Variants in NOS1 observed in about 807,000 individuals in gnomAD.
NOS1 encodes the protein NOS type I.
Under a neutral mutation model 164.5 loss-of-function variants are expected in NOS1, and 51 were observed. The ratio of observed to expected loss-of-function variants is 0.31; its 90% CI spans 0.25 to 0.39. The LOEUF is 0.39. Ranked by LOEUF, NOS1 falls within the 10% of genes least tolerant of loss-of-function variation. The pLI is 1.00. For missense variants in NOS1, 1,362 were observed against 1,885.6 expected (o/e 0.72, Z 5.14); for synonymous variants, 719 against 745.8 (o/e 0.96, Z 0.59).
Position 117,212,296 on chromosome 12 carries a change from T to G in NOS1, c.*3013A>C, listed in dbSNP as rs1177028358. On this transcript the variant is annotated 3_prime_UTR_variant, in exon 29 of 29. Transcript: ENST00000317775. ...GGTATGCAGACTCTAAAAGGTCAAG[T>G]GAGCCGCCCACAGCCATCTGCACCA... The G allele has an allele frequency of 1.0e-6, 1 of 985,310 alleles. No individual in the cohort carries two copies. Among genetic ancestry groups the G allele is most frequent in the Non-Finnish European group, 1.2e-6 (1 of 829,940 alleles). 61.0% of individuals were successfully genotyped at this position (985,310 alleles called of 1,614,324 possible).
intron 20 of NOS1, among the ~76,000 whole-genome samples, chr12:117,240,664 C>T (rs759777598): frequency 6.6e-6 from 1 of 152,138 alleles, no homozygotes; most frequent in African/African-American, 2.4e-5. Flanking sequence ...TATAAAAGAT[C>T]CTGGACAGAG....
chr12:117,229,916 T>C (rs1315679377), intron 22 of NOS1, among the ~76,000 whole-genome samples: 1 of 151,030 alleles, frequency 6.6e-6, no homozygotes, highest in East Asian at 2.0e-4. Context: ...GGGGTCTTGC[T>C]TTATTTATTT....
intron 19 of NOS1, 52 bp from the exon 20 acceptor site, chr12:117,242,757 A>G: frequency 6.5e-7 from 1 of 1,548,350 alleles, no homozygotes; most frequent in Non-Finnish European, 8.9e-7. Context: ...ATGTTCCATT[A>G]AAAACTCCCC....
intron 3 of NOS1, among the ~76,000 whole-genome samples, chr12:117,294,531 G>A (rs1028805388): frequency 6.6e-6 from 1 of 152,126 alleles, no homozygotes; most frequent in Non-Finnish European, 1.5e-5. Flanking sequence ...TGTTGTACTT[G>A]GCACTTTGAT....
chr12:117,236,417 G>A (rs146380708), intron 20 of NOS1, among the ~76,000 whole-genome samples: 6 of 152,252 alleles, frequency 3.9e-5, no homozygotes, highest in African/African-American at 1.4e-4. Context: ...AGGAAAGGGT[G>A]TCAAGTATTT....
intron 6 of NOS1, 102 bp downstream of exon 6, chr12:117,286,002 G>C: frequency 1.5e-6 from 2 of 1,323,258 alleles, no homozygotes; most frequent in South Asian, 1.4e-5. Flanking sequence ...ATGGCTACCA[G>C]GTACCCTTGG....
chr12:117,230,877 C>T (rs950201079), intron 22 of NOS1, among the ~76,000 whole-genome samples: 6 of 152,042 alleles, frequency 3.9e-5, no homozygotes, highest in Admixed American at 6.6e-5. Flanking sequence ...AAATTTTGCA[C>T]GTTCTCATTC....
intron 2 of NOS1, among the ~76,000 whole-genome samples, chr12:117,328,753 C>A (rs1875383267): frequency 6.6e-6 from 1 of 152,190 alleles, no homozygotes; most frequent in South Asian, 2.1e-4. Flanking sequence ...CTTTCTTTAT[C>A]TCCTTTACAT....
At chr12:117,299,620 C>G (rs1406031768) in intron 3 of NOS1, among the ~76,000 whole-genome samples, 16 of 135,296 alleles carry the variant, frequency 1.2e-4, no homozygotes, top group African/African-American at 4.3e-4. Flanking sequence ...GCCTGGGCGA[C>G]TGAGACTTTG....
chr12:117,253,866 T>C (rs897146343), intron 16 of NOS1, 112 bp from the exon 17 acceptor site: 2 of 721,890 alleles, frequency 2.8e-6, no homozygotes, highest in Non-Finnish European at 4.9e-6. Context: ...TTCTCTTGTA[T>C]GTTGAGTCAA....
chr12:117,341,123 G>A (rs538666450), intron 1 of NOS1, among the ~76,000 whole-genome samples: 2 of 152,194 alleles, frequency 1.3e-5, no homozygotes, highest in South Asian at 2.1e-4. Flanking sequence ...TTATCATCAC[G>A]TAAGCAGTCA....
At chr12:117,332,029 T>A (rs1484612148) in intron 1 of NOS1, among the ~76,000 whole-genome samples, 1 of 152,186 alleles carries the variant, frequency 6.6e-6, no homozygotes, top group Non-Finnish European at 1.5e-5. Context: ...TTTGTAATTA[T>A]TAGCTTGTTC....
intron 17 of NOS1, among the ~76,000 whole-genome samples, chr12:117,248,242 A>T (rs2135961636): frequency 6.6e-6 from 1 of 151,600 alleles, no homozygotes; most frequent in South Asian, 2.1e-4. Context: ...CATGTGCACC[A>T]TGTGTAGGTT....
intron 24 of NOS1, among the ~76,000 whole-genome samples, chr12:117,226,050 G>C (rs1331205104): frequency 1.3e-5 from 2 of 152,168 alleles, no homozygotes; most frequent in Non-Finnish European, 2.9e-5. Flanking sequence ...GTACATCTGG[G>C]CTCAGGACTC....
rs1464350937 is a variant in NOS1 at position 117,331,375 on chromosome 12, G to C, written c.-306C>G. The C allele has an allele frequency of 2.5e-6, 1 of 393,906 alleles. No homozygotes were observed. Among genetic ancestry groups the C allele is most frequent in the African/African-American group, 2.0e-5 (1 of 50,202 alleles). The allele number at this position is 393,906 out of a possible 1,614,324, so 24.4% of individuals were successfully genotyped here. ...TGTCCCTAAGGTCAGGCAGAAAGGG[G>C]AGGAGATGCGTCTGATGGCTGTGTC... On this transcript the variant is annotated 5_prime_UTR_variant, in exon 2 of 29. Coordinates refer to ENST00000317775, the MANE Select transcript of NOS1 (RefSeq NM_000620.5).
intron 13 of NOS1, among the ~76,000 whole-genome samples, chr12:117,262,372 CTT>C (rs1027298429): frequency 1.5e-4 from 20 of 135,804 alleles, no homozygotes; most frequent in African/African-American, 5.4e-4. Flanking sequence ...CTGATGTGTT[CTT>C]GCTTGGCTGG....
In NOS1 at chr12:117,265,425, C is replaced by G; in HGVS notation, c.2027G>C (p.Gly676Ala). 6.3e-7 allele frequency: 1 copy of G among 1,584,474 alleles called. No homozygotes were observed. Among genetic ancestry groups the G allele is most frequent in the Non-Finnish European group, 8.6e-7 (1 of 1,165,178 alleles). Residue 676 changes from glycine (G) to alanine (A), a missense_variant, in exon 12 of 29, where the codon GGC (glycine) becomes GCC (alanine). By Grantham distance (60) the Gly-to-Ala change is moderately conservative. Around this residue, in one of 4 missense-constraint regions of NOS1, gnomAD observed 737 missense variants for 1,030.3 expected, o/e 0.72. Transcript: ENST00000317775. ...GATCCACACCCAGTCGGCAGGGCAG[C>G]CCCCCCGGCAGCGGTACTCATTCTC... ...HMENEYRCRGGCPADWVWIVP... is the reference protein window; with the variant it reads ...HMENEYRCRGACPADWVWIVP...
intron 2 of NOS1, among the ~76,000 whole-genome samples, chr12:117,315,775 A>G (rs1370654926): frequency 1.3e-5 from 2 of 152,140 alleles, no homozygotes; most frequent in African/African-American, 4.8e-5. Flanking sequence ...CATGTCTCAC[A>G]CTCAGTTTAC....
chr12:117,359,384 A>T (rs1463674106), intron 1 of NOS1, among the ~76,000 whole-genome samples: 3 of 151,996 alleles, frequency 2.0e-5, no homozygotes, highest in Non-Finnish European at 4.4e-5. Flanking sequence ...GGGGGAAAAA[A>T]TCTATGCTCC....
Sources: allele counts gnomAD v4.1 joint callset (sites outside exome capture counted in the v4.1 genomes callset), GRCh38; gene constraint gnomAD v4.1.1; regional missense constraint gnomAD v4.1.1; transcripts MANE v1.5; gene names NCBI Gene and HGNC (gene_info 2026-07-23, HGNC 2026-07-21).